Variants in MPPE1 observed in about 807,000 individuals in gnomAD.
MPPE1 encodes the protein metallo phosphoesterase.
Under a neutral mutation model 43.8 loss-of-function variants are expected in MPPE1, and 28 were observed. The ratio of observed to expected loss-of-function variants is 0.64; its 90% CI spans 0.47 to 0.88. The LOEUF (loss-of-function observed/expected upper bound fraction) is 0.88. Among genes scored for constraint, MPPE1 ranks in the 40% least tolerant of loss-of-function variants. The probability of loss-of-function intolerance (pLI) is 0.00; values close to 1 mark genes in which losing one functional copy is unlikely to be tolerated. For synonymous variants in MPPE1, 159 were observed against 188.5 expected, an observed-to-expected ratio of 0.84 and a Z score of 1.28; for missense variants, 428 against 492.2, an observed-to-expected ratio of 0.87 and a Z score of 1.23.
Position 11,893,503 on chromosome 18 carries a change from C to T in MPPE1, c.355G>A (p.Asp119Asn), listed in dbSNP as rs761253812. The T allele has an allele frequency of 1.1e-5, 17 of 1,613,978 alleles. No individual in the cohort carries two copies. The highest frequency in any genetic ancestry group is 1.7e-5 in the Admixed American group (1 of 60,018). Reference protein sequence around the residue: ...LQPEVVFILGDIFDEGKWSTP... With the variant: ...LQPEVVFILGNIFDEGKWSTP... ...CTCCACTTCCCTTCATCAAAGATAT[C>T]CCCCAGGATGAAGACGACTTCCGGC... The change falls in exon 4 of 11, where the codon GAT becomes AAT. Residue 119 changes from aspartate to asparagine, a missense_variant. This residue lies in a region of MPPE1 where 379 missense variants were observed against 402.5 expected (regional missense o/e 0.94). Coordinates refer to ENST00000588072, the MANE Select transcript of MPPE1 (RefSeq NM_023075.6).
intron 2 of MPPE1, among the ~76,000 whole-genome samples, chr18:11,900,724 G>T (rs9947941): frequency 6.6e-6 from 1 of 151,258 alleles, no homozygotes; most frequent in South Asian, 2.1e-4. Flanking sequence ...TGGCTAACAC[G>T]GTGAAACCCC....
chr18:11,885,869 G>C lies in MPPE1; in HGVS notation c.868-53C>G, dbSNP rs777319595. The stretch of plus-strand genomic sequence containing the variant: ...CAGGCTGTTAGCTCATCCTCAACCA[G>C]GCTCTCACCGCTCAGCAGACGGCCG... On this transcript the variant is annotated intron_variant, in intron 9 of 10. Coordinates refer to ENST00000588072, the MANE Select transcript of MPPE1 (RefSeq NM_023075.6). 13 of 1,529,636 alleles carry C rather than the reference G, an allele frequency of 8.5e-6. No individual in the cohort carries two copies. In the Admixed American group the frequency reaches 1.5e-4, roughly 17 times the overall value. The allele number at this position is 1,529,636 out of a possible 1,614,324, so 94.8% of individuals were successfully genotyped here. A position where few individuals can be genotyped will look rare whatever the true frequency, so the allele number is the denominator to read the frequency against.
At chr18:11,901,445 G>A (rs1402763108) in intron 2 of MPPE1, among the ~76,000 whole-genome samples, 4 of 151,706 alleles carry the variant, frequency 2.6e-5, no homozygotes, top group Admixed American at 2.0e-4. Context: ...TGGCCAGACT[G>A]GTATCGAACT....
chr18:11,896,313 G>A (rs767408610), intron 3 of MPPE1, among the ~76,000 whole-genome samples: 1 of 151,926 alleles, frequency 6.6e-6, no homozygotes, highest in Non-Finnish European at 1.5e-5. Flanking sequence ...TGTTGGCCAG[G>A]CTGGTCTTGA....
At position 11,900,703 on chromosome 18, in the gene MPPE1, C is replaced by A. The variant is rs112321814; in HGVS notation, c.-92-3347G>T. ...TGGGCAGATCACGAGGTCAGGAGAT[C>A]GAGACCATCCTGGCTAACACGGTGA... is the stretch of plus-strand genomic sequence containing the variant. On this transcript the variant is annotated intron_variant, in intron 2 of 10. Transcript: ENST00000588072. Among the ~76,000 whole-genome samples, 336 of 151,666 alleles carry A rather than the reference C, an allele frequency of 2.2e-3. 2 individuals are homozygous for A. Among genetic ancestry groups the A allele is most frequent in the South Asian group, 0.011 (54 of 4,802 alleles).
rs1302226139 is a variant in MPPE1 at position 11,886,754 on chromosome 18, G to A, written c.703C>T (p.Pro235Ser). 4 of 1,613,170 alleles carry A rather than the reference G, an allele frequency of 2.5e-6. No individual in the cohort carries two copies. In the Admixed American group the frequency reaches 5.0e-5, roughly 20 times the overall value. ...REARGSSRCG[P>S]GPLLPTSAPV... ...GCAGACGTGGGCAGCAGAGGCCCAG[G>A]TCCACACCGGCTGGAGCCACGTGCC... The change falls in exon 8 of 11, where the codon CCT (proline) becomes TCT (serine). Residue 235 changes from proline to serine, a missense_variant. Physicochemically the swap from Pro to Ser is moderately conservative, Grantham distance 74. Transcript: ENST00000588072. The surrounding 1 kb of genome is among the most constrained non-coding windows in gnomAD (Gnocchi z 4.1).
chr18:11,891,327 G>A (rs1375235370), intron 4 of MPPE1: 1 of 152,064 alleles, frequency 6.6e-6, no homozygotes, highest in African/African-American at 2.4e-5. Context: ...ACAAAAATTA[G>A]CTGGGTGTGG....
intron 2 of MPPE1, among the ~76,000 whole-genome samples, chr18:11,904,523 C>T (rs982209888): frequency 2.0e-5 from 3 of 152,052 alleles, no homozygotes; most frequent in East Asian, 1.9e-4. Flanking sequence ...TTCACCATGT[C>T]GCTTAGGCTG....
Position 11,886,582 on chromosome 18 carries a change from C to T in MPPE1, c.784G>A (p.Gly262Arg), listed in dbSNP as rs1185701170. ...TCCTCTGCAGGAGCAGCGTCTTCCC[C>T]AGAACAGTTAGCATCACTTCTCCGA... ...LYRRSDANCSGEDAAPAEERD... is the reference protein window; with the variant it reads ...LYRRSDANCSREDAAPAEERD... Residue 262 changes from glycine (G) to arginine (R), a missense_variant, in exon 9 of 11, where the codon GGG becomes AGG. Transcript: ENST00000588072. The surrounding 1 kb of genome is among the most constrained non-coding windows in gnomAD (Gnocchi z 4.1). The T allele has an allele frequency of 6.2e-7, 1 of 1,614,178 alleles. No homozygotes were observed.
At chr18:11,893,892 T>C (rs1472160952) in intron 3 of MPPE1, among the ~76,000 whole-genome samples, 1 of 152,208 alleles carries the variant, frequency 6.6e-6, no homozygotes, top group Non-Finnish European at 1.5e-5. Context: ...GAGAGCCTAA[T>C]GCAGCTTCCA....
At chr18:11,905,947 A>T (rs1355446405) in intron 2 of MPPE1, 1 of 152,152 alleles carries the variant, frequency 6.6e-6, no homozygotes, top group Admixed American at 6.6e-5. Flanking sequence ...TGTCCACCTC[A>T]GTGCTTCTGT....
chr18:11,885,486 G>C (rs937026099), intron 10 of MPPE1, 190 bp downstream of exon 10: 2 of 666,916 alleles, frequency 3.0e-6, no homozygotes, highest in African/African-American at 3.6e-5. Flanking sequence ...TAACTGCCCA[G>C]GAATGTCATG....
Position 11,907,331 on chromosome 18 carries a change from T to C in MPPE1, c.-200+870A>G, listed in dbSNP as rs139331742. Among the ~76,000 whole-genome samples, 497 of 152,144 alleles carry C rather than the reference T, an allele frequency of 3.3e-3. 1 individual carries two copies. Among genetic ancestry groups the C allele is most frequent in the Non-Finnish European group, 5.7e-3 (387 of 68,000 alleles). On this transcript the variant is annotated intron_variant, in intron 1 of 10. Transcript: ENST00000588072. The stretch of plus-strand genomic sequence containing the variant: ...CACCCACCTCCTCAGCTGTCATACC[T>C]TTATGGACCGAACCAATGTACATCT...
intron 2 of MPPE1, among the ~76,000 whole-genome samples, chr18:11,898,579 C>T (rs764953405): frequency 1.1e-4 from 16 of 152,156 alleles, no homozygotes; most frequent in Non-Finnish European, 2.4e-4. Flanking sequence ...CCTTCAATTT[C>T]TCCTATAAAT....
chr18:11,907,060 A>G (rs972165685), intron 1 of MPPE1, among the ~76,000 whole-genome samples: 1 of 152,174 alleles, frequency 6.6e-6, no homozygotes, highest in Admixed American at 6.5e-5. Flanking sequence ...TGTTTAGGCC[A>G]TGATGGGAAG....
At chr18:11,889,272 T>C in intron 5 of MPPE1, 115 bp downstream of exon 5, 1 of 649,764 alleles carries the variant, frequency 1.5e-6, no homozygotes, top group Admixed American at 3.3e-5. Flanking sequence ...CTCACATCTT[T>C]TGAAGAAAAC....
rs142956171 is a variant in MPPE1 at position 11,897,055 on chromosome 18, G to A, written c.210C>T (p.Leu70=). 20 of 1,533,666 alleles carry A rather than the reference G, an allele frequency of 1.3e-5. 1 individual carries two copies. The African/African-American group carries it at 1.8e-4, about 14-fold the overall frequency. ...DGEQTTREPV[L]KAMFLADTHL... ...GGGTGTCAGCCAAAAACATGGCTTT[G>A]AGCACAGGCTCACGTGTGGTCTGTT... Residue 70 remains leucine, a synonymous_variant, in exon 3 of 11, where the codon CTC becomes CTT. Coordinates refer to ENST00000588072, the MANE Select transcript of MPPE1 (RefSeq NM_023075.6).
chr18:11,889,665 C>T (rs1358487060), intron 4 of MPPE1, among the ~76,000 whole-genome samples, 175 bp from the exon 5 acceptor site: 4 of 152,140 alleles, frequency 2.6e-5, no homozygotes, highest in African/African-American at 4.8e-5. Flanking sequence ...CACATTCAAG[C>T]GATTCTCCTG....
At chr18:11,901,662 G>A (rs1224468181) in intron 2 of MPPE1, among the ~76,000 whole-genome samples, 1 of 151,956 alleles carries the variant, frequency 6.6e-6, no homozygotes, top group Non-Finnish European at 1.5e-5. Context: ...CCAATGTGGT[G>A]AAACCTCATC....
Sources: allele counts gnomAD v4.1 joint callset (sites outside exome capture counted in the v4.1 genomes callset), GRCh38; gene constraint gnomAD v4.1.1; regional missense constraint gnomAD v4.1.1; non-coding constraint Gnocchi (gnomAD v3.1); transcripts MANE v1.5; gene names NCBI Gene and HGNC (gene_info 2026-07-23, HGNC 2026-07-21).